UGT1A8: variants seen among roughly 807,000 people sequenced by gnomAD.
The protein encoded by UGT1A8 is UDP-glucuronosyltransferase 1A8.
A neutral mutation model predicts 45.3 loss-of-function variants in UGT1A8; 39 were observed. The ratio of observed to expected loss-of-function variants is 0.86; its 90% CI spans 0.67 to 1.12. The LOEUF (loss-of-function observed/expected upper bound fraction) is 1.12, where lower values mean the gene tolerates loss of function less well. UGT1A8 is among the 50% of genes most tolerant of loss of function. The pLI, the probability that UGT1A8 is intolerant of heterozygous loss-of-function variation, is 0.00. For missense variants in UGT1A8, 719 were observed against 664.9 expected, an observed-to-expected ratio of 1.08 and a Z score of -0.90; for synonymous variants, 275 against 249.2, an observed-to-expected ratio of 1.10 and a Z score of -0.97.
intron 1 of UGT1A8, chr2:233,740,934 T>G (rs1244691991): frequency 6.6e-6 from 1 of 151,802 alleles, no homozygotes; most frequent in East Asian, 1.9e-4. Flanking sequence ...AAAGTTTTTT[T>G]TTTAATTAGC....
chr2:233,732,182 G>A (rs1190810291), intron 1 of UGT1A8, among the ~76,000 whole-genome samples: 1 of 152,108 alleles, frequency 6.6e-6, no homozygotes, highest in Non-Finnish European at 1.5e-5. Flanking sequence ...TGTAGATTCT[G>A]GATATTAGCC....
At chr2:233,709,291 T>C (rs1460116182) in intron 1 of UGT1A8, among the ~76,000 whole-genome samples, 1 of 152,202 alleles carries the variant, frequency 6.6e-6, no homozygotes, top group Non-Finnish European at 1.5e-5. Context: ...CTTCAATTAA[T>C]GATATTTTCT....
Position 233,634,973 on chromosome 2 carries a change from A to G in UGT1A8, c.855+16411A>G, listed in dbSNP as rs763317986. On this transcript the variant is annotated intron_variant, in intron 1 of 4. Coordinates refer to ENST00000373450, the MANE Select transcript of UGT1A8 (RefSeq NM_019076.5). ...TCTTTCCATATTTAGTGCTTCCTTC[A>G]GGAGCTCTTGTAAGGCAGGCCTGGT... Among the ~76,000 whole-genome samples, 78 of 150,186 alleles carry G rather than the reference A, an allele frequency of 5.2e-4. 5 individuals are homozygous for G. The highest frequency in any genetic ancestry group is 3.4e-3 in the Middle Eastern group (1 of 292).
In UGT1A8 at chr2:233,729,271, C is replaced by T. The variant is rs45595237; in HGVS notation, c.856-37763C>T. ...CTGGCTCAGCATGCGGGAGGTCTTGCGGGAGCTCCATGCCAGAGGCCACCA... is the reference window on the plus strand; with the variant it reads ...CTGGCTCAGCATGCGGGAGGTCTTGTGGGAGCTCCATGCCAGAGGCCACCA... On this transcript the variant is annotated intron_variant, in intron 1 of 4. Transcript: ENST00000373450. The T allele has an allele frequency of 1.2e-3, 1,887 of 1,614,166 alleles. 14 individuals are homozygous for T. The African/African-American group carries it at 0.018, about 15-fold the overall frequency.
At chr2:233,667,173 G>T (rs1019486377) in intron 1 of UGT1A8, among the ~76,000 whole-genome samples, 4 of 152,184 alleles carry the variant, frequency 2.6e-5, no homozygotes, top group African/African-American at 9.6e-5. Flanking sequence ...CCAGTAATGG[G>T]ATGGCTGGGT....
chr2:233,669,016 T>C (rs1452670868), intron 1 of UGT1A8, among the ~76,000 whole-genome samples: 1 of 152,120 alleles, frequency 6.6e-6, no homozygotes, highest in East Asian at 1.9e-4. Flanking sequence ...AACACAGGGG[T>C]TATAGGTTTT....
chr2:233,717,701 A>G (rs1201448536), intron 1 of UGT1A8: 4 of 447,022 alleles, frequency 8.9e-6, no homozygotes, highest in Non-Finnish European at 1.8e-5. Context: ...TTTCTGGAGC[A>G]GGACGAGCCT....
At position 233,617,979 on chromosome 2, in the gene UGT1A8, T is replaced by G. The variant is rs577893199; in HGVS notation, c.272T>G (p.Met91Arg). The stretch of plus-strand genomic sequence containing the variant: ...CTGGAGGATCTGGACCGGGAATTCA[T>G]GGATTTCGCCGATGCTCAATGGAAA... The part of the protein sequence containing the change: ...YTLEDLDREF[M>R]DFADAQWKAQ... Residue 91 changes from methionine to arginine, a missense_variant, in exon 1 of 5, where the codon ATG (methionine) becomes AGG (arginine). Physicochemically the swap from Met to Arg is moderately conservative, Grantham distance 91 (BLOSUM62 -1). Coordinates refer to ENST00000373450, the MANE Select transcript of UGT1A8 (RefSeq NM_019076.5). 1.9e-6 allele frequency: 3 copies of G among 1,614,220 alleles called. No homozygotes were observed. In the South Asian group the frequency reaches 3.3e-5, roughly 18 times the overall value.
rs762109713 is a variant in UGT1A8, at chr2:233,760,481, C to T, written c.856-6553C>T. On this transcript the variant is annotated intron_variant, in intron 1 of 4. Coordinates refer to ENST00000373450, the MANE Select transcript of UGT1A8 (RefSeq NM_019076.5). ...ATAGTTGTCCTAGCACCTGACGCCT[C>T]GTTGTACATCAGAGACGGAGCATTT... 4.0e-5 allele frequency: 65 copies of T among 1,614,070 alleles called. No individual in the cohort carries two copies. The highest frequency in any genetic ancestry group is 5.3e-5 in the African/African-American group (4 of 74,932).
intron 1 of UGT1A8, among the ~76,000 whole-genome samples, chr2:233,668,820 T>G (rs568469856): frequency 6.1e-4 from 93 of 152,262 alleles, no homozygotes; most frequent in Non-Finnish European, 9.8e-4. Flanking sequence ...GTCCTTGTTC[T>G]TTTCTGGGAT....
rs181203799 is a variant in UGT1A8, at chr2:233,760,152, C to T, written c.856-6882C>T. ...TTCTTTATCTCTGAAAGTGAACTCC[C>T]TGCTACCTTTGTGGACTGACAGCTT... On this transcript the variant is annotated intron_variant, in intron 1 of 4. Transcript: ENST00000373450. 37 of 1,481,016 alleles carry T rather than the reference C, an allele frequency of 2.5e-5. No individual in the cohort carries two copies. The Admixed American group carries it at 2.7e-4, about 11-fold the overall frequency. The allele number at this position is 1,481,016 out of a possible 1,614,324, so 91.7% of individuals were successfully genotyped here. A position where few individuals can be genotyped will look rare whatever the true frequency, so the allele number is the denominator to read the frequency against.
At chr2:233,693,340 C>T (rs2075146387) in intron 1 of UGT1A8, 1 of 1,614,074 alleles carries the variant, frequency 6.2e-7, no homozygotes, top group Admixed American at 1.7e-5. Context: ...AGACAGAGTA[C>T]AGGAATAACA....
rs971106694 is a variant in UGT1A8 at position 233,618,058 on chromosome 2, T to A, written c.351T>A (p.Phe117Leu). The A allele has an allele frequency of 6.2e-7, 1 of 1,614,010 alleles. No individual in the cohort carries two copies. Among genetic ancestry groups the A allele is most frequent in the Non-Finnish European group, 8.5e-7 (1 of 1,179,998 alleles). The change falls in exon 1 of 5, where the codon TTT becomes TTA. Residue 117 changes from phenylalanine to leucine, a missense_variant. Physicochemically the swap from Phe to Leu is conservative, Grantham distance 22 (BLOSUM62 0). Coordinates refer to ENST00000373450, the MANE Select transcript of UGT1A8 (RefSeq NM_019076.5). Reference sequence around the variant, plus strand: ...TTCTGAGTTCATCCAATGGTTTTTTTAACTTATTTTTTTCGCATTGCAGGA... The same window carrying A: ...TTCTGAGTTCATCCAATGGTTTTTTAAACTTATTTTTTTCGCATTGCAGGA... ...SLFLSSSNGF[F>L]NLFFSHCRSL...
At chr2:233,738,140 C>T (rs975001541) in intron 1 of UGT1A8, among the ~76,000 whole-genome samples, 3 of 152,224 alleles carry the variant, frequency 2.0e-5, no homozygotes, top group African/African-American at 7.2e-5. Context: ...CTTATCCCTT[C>T]ACTTGCAAGC....
chr2:233,698,956 C>T (rs1307607547), intron 1 of UGT1A8, among the ~76,000 whole-genome samples: 1 of 152,204 alleles, frequency 6.6e-6, no homozygotes, highest in Non-Finnish European at 1.5e-5. Context: ...TCCAAGCTGG[C>T]CCTTGGGGAA....
intron 1 of UGT1A8, chr2:233,690,489 C>G: frequency 7.8e-7 from 1 of 1,289,698 alleles, no homozygotes. Context: ...GGGAAATCTG[C>G]TCTTGCCAAC....
At chr2:233,668,520 G>A (rs1431178005) in intron 1 of UGT1A8, among the ~76,000 whole-genome samples, 1 of 152,174 alleles carries the variant, frequency 6.6e-6, no homozygotes, top group African/African-American at 2.4e-5. Context: ...AAACATACGT[G>A]TGCATGTGTC....
chr2:233,638,893 C>A (rs187845862), intron 1 of UGT1A8, among the ~76,000 whole-genome samples: 1 of 152,192 alleles, frequency 6.6e-6, no homozygotes, highest in African/African-American at 2.4e-5. Context: ...CAAGACCAGG[C>A]GAGGAGATGC....
intron 1 of UGT1A8, among the ~76,000 whole-genome samples, chr2:233,709,542 T>C (rs1011776342): frequency 6.6e-6 from 1 of 152,178 alleles, no homozygotes; most frequent in Admixed American, 6.5e-5. Context: ...CTGTGATATA[T>C]GTAAGTACTT....
Sources: gnomAD v4.1 joint callset for allele counts (sites outside exome capture counted in the v4.1 genomes callset) on GRCh38, gnomAD v4.1.1 for gene constraint, MANE v1.5 for transcripts, NCBI Gene and HGNC (gene_info 2026-07-23, HGNC 2026-07-21) for gene names.